SLC38A2: variants seen among roughly 807,000 people sequenced by gnomAD.
SLC38A2 encodes the protein solute carrier family 38 member 2.
Under a neutral mutation model 61.5 loss-of-function variants are expected in SLC38A2, and 11 were observed. The ratio of observed to expected loss-of-function variants is 0.18; its 90% CI spans 0.11 to 0.30. The LOEUF (loss-of-function observed/expected upper bound fraction) is 0.30, where lower values mean the gene tolerates loss of function less well. Ranked by LOEUF, SLC38A2 falls within the 10% of genes least tolerant of loss-of-function variation. SLC38A2 has a pLI of 1.00. For synonymous variants in SLC38A2, 217 were observed against 212.5 expected (o/e 1.02, Z -0.18); for missense variants, 522 against 600.4 (o/e 0.87, Z 1.36).
chr12:46,371,149 T>G lies in SLC38A2; in HGVS notation c.116+29A>C, dbSNP rs1230063633. The G allele has an allele frequency of 1.9e-6, 3 of 1,605,696 alleles. No individual in the cohort carries two copies. The African/African-American group carries it at 4.0e-5, about 21-fold the overall frequency. On this transcript the variant is annotated intron_variant, in intron 2 of 15. Transcript: ENST00000256689. ...CCTGAACCCAACCCATGCAAGCCGT[T>G]TTTTCAAAAGTGTCACAACTTCTCC...
At position 46,372,621 on chromosome 12, in the gene SLC38A2, T is replaced by C. The variant is rs1310419280; in HGVS notation, c.-199A>G. Reference sequence around the variant, plus strand: ...CAAATCCAACAACAGGCAGGAAAAATAATTTTAATAAAAAAGGAAAAGACA... The same window carrying C: ...CAAATCCAACAACAGGCAGGAAAAACAATTTTAATAAAAAAGGAAAAGACA... On this transcript the variant is annotated 5_prime_UTR_variant, in exon 1 of 16. Coordinates refer to ENST00000256689, the MANE Select transcript of SLC38A2 (RefSeq NM_018976.5). The C allele has an allele frequency of 5.0e-6, 2 of 398,112 alleles. No individual in the cohort carries two copies. The highest frequency in any genetic ancestry group is 8.9e-6 in the Non-Finnish European group (2 of 225,894). The allele number at this position is 398,112 out of a possible 1,614,324, so 24.7% of individuals were successfully genotyped here. A position where few individuals can be genotyped will look rare whatever the true frequency, so the allele number is the denominator to read the frequency against.
rs1436412765 is a variant in SLC38A2, at chr12:46,363,978, A to C, written c.899T>G (p.Ile300Ser). The C allele has an allele frequency of 6.2e-7, 1 of 1,612,030 alleles. No individual in the cohort carries two copies. The highest frequency in any genetic ancestry group is 8.5e-7 in the Non-Finnish European group (1 of 1,178,956). The change falls in exon 11 of 16, where the codon ATC (isoleucine) becomes AGC (serine). Residue 300 changes from isoleucine (I) to serine (S), a missense_variant. Ile to Ser is a moderately radical substitution (Grantham distance 142). This residue lies in a region of SLC38A2 where 309 missense variants were observed against 343.9 expected (regional missense o/e 0.90). Coordinates refer to ENST00000256689, the MANE Select transcript of SLC38A2 (RefSeq NM_018976.5). ...SQTVYAVPIL[I>S]FSFVCHPAVL... is the part of the protein sequence containing the mutation. ...AGCAGGATGACAGACAAATGAAAAG[A>C]TCAGAATTGGCACAGCATAGACAGT...
chr12:46,369,844 T>C (rs1943176286), intron 4 of SLC38A2, among the ~76,000 whole-genome samples: 1 of 152,166 alleles, frequency 6.6e-6, no homozygotes, highest in African/African-American at 2.4e-5. Flanking sequence ...AGCACAGAAG[T>C]AATTAAGTCT....
chr12:46,368,334 G>C (rs557713684), intron 4 of SLC38A2, among the ~76,000 whole-genome samples: 2 of 152,230 alleles, frequency 1.3e-5, no homozygotes, highest in South Asian at 4.1e-4. Context: ...CTATCAGCTT[G>C]ACTGTCTCTA....
At chr12:46,367,754 A>T (rs551130175) in intron 4 of SLC38A2, among the ~76,000 whole-genome samples, 1 of 152,320 alleles carries the variant, frequency 6.6e-6, no homozygotes, top group African/African-American at 2.4e-5. Context: ...ATCCGCCACT[A>T]AACCCAGCCC....
intron 12 of SLC38A2, 47 bp from the exon 13 acceptor site, chr12:46,363,192 C>T (rs1943102320): frequency 6.3e-7 from 1 of 1,594,016 alleles, no homozygotes; most frequent in Non-Finnish European, 8.6e-7. Context: ...TTTCATTGGA[C>T]ACCAAGTAGA....
chr12:46,371,454 A>T, intron 1 of SLC38A2, 75 bp from the exon 2 acceptor site: 1 of 611,402 alleles, frequency 1.6e-6, no homozygotes, highest in Non-Finnish European at 2.9e-6. Flanking sequence ...CCGGAGGCGC[A>T]GCGCGGCTGA....
chr12:46,361,005 A>G lies in SLC38A2; in HGVS notation c.*106T>C. On this transcript the variant is annotated 3_prime_UTR_variant, in exon 16 of 16. Transcript: ENST00000256689. ...TCAGAAGAACCAGCGAGGAATCTGC[A>G]CTTCAAAAGGAAGTGAAACTGAAAA... is the stretch of plus-strand genomic sequence containing the variant. The G allele has an allele frequency of 1.2e-6, 1 of 816,662 alleles. No homozygotes were observed. The highest frequency in any genetic ancestry group is 2.0e-6 in the Non-Finnish European group (1 of 508,716). The allele number at this position is 816,662 out of a possible 1,614,324, so 50.6% of individuals were successfully genotyped here.
Position 46,370,497 on chromosome 12 carries a change from C to G in SLC38A2, c.314+15G>C, listed in dbSNP as rs1465022818. 2 of 1,582,072 alleles carry G rather than the reference C, an allele frequency of 1.3e-6. No homozygotes were observed. Among genetic ancestry groups the G allele is most frequent in the Non-Finnish European group, 1.7e-6 (2 of 1,151,032 alleles). On this transcript the variant is annotated intron_variant, in intron 4 of 15. Transcript: ENST00000256689. ...ACTGCCCTGCATGGCAGACTCACTA[C>G]TTACACATACTTACATAAAAAGAGC...
chr12:46,360,435 AATTC>A lies in SLC38A2; in HGVS notation c.*672_*675del, dbSNP rs1309328231. ...TTTAAATGGAAAAAACTATGCTCCT[AATTC>A]ATGGTACAATTTTTCATTACATCAT... On this transcript the variant is annotated 3_prime_UTR_variant, in exon 16 of 16. Coordinates refer to ENST00000256689, the MANE Select transcript of SLC38A2 (RefSeq NM_018976.5). The A allele has an allele frequency of 1.3e-5, 2 of 152,154 alleles. No homozygotes were observed. The highest frequency in any genetic ancestry group is 2.9e-5 in the Non-Finnish European group (2 of 68,014). The allele number at this position is 152,154 out of a possible 1,614,324, so 9.4% of individuals were successfully genotyped here.
chr12:46,363,744 C>T lies in SLC38A2; in HGVS notation c.1036G>A (p.Gly346Arg). 1 of 1,573,042 alleles carries T rather than the reference C, an allele frequency of 6.4e-7. No individual in the cohort carries two copies. The highest frequency in any genetic ancestry group is 8.6e-7 in the Non-Finnish European group (1 of 1,166,566). ...FLMYLLAALF[G>R]YLTFYEHVES... The stretch of plus-strand genomic sequence containing the variant: ...TACTTACCGTAAAATGTTAGGTATC[C>T]AAAGAGGGCGGCAAGCAGATACATG... The change falls in exon 12 of 16, where the codon GGA becomes AGA. Residue 346 changes from glycine to arginine, a missense_variant. Coordinates refer to ENST00000256689, the MANE Select transcript of SLC38A2 (RefSeq NM_018976.5).
At chr12:46,365,373 T>C in intron 7 of SLC38A2, 184 bp from the exon 8 acceptor site, 1 of 622,846 alleles carries the variant, frequency 1.6e-6, no homozygotes, top group Non-Finnish European at 2.8e-6. Flanking sequence ...TAGATGAACA[T>C]TTACTCAGGT....
chr12:46,367,479 C>G (rs1565829223), intron 4 of SLC38A2, 139 bp from the exon 5 acceptor site: 1 of 639,684 alleles, frequency 1.6e-6, no homozygotes, highest in Non-Finnish European at 2.8e-6. Context: ...CTGGCATTTC[C>G]TCTCCTACTA....
intron 4 of SLC38A2, among the ~76,000 whole-genome samples, chr12:46,370,208 G>A (rs546766296): frequency 1.3e-5 from 2 of 152,266 alleles, no homozygotes; most frequent in African/African-American, 2.4e-5. Flanking sequence ...CCTGGCTTTA[G>A]CCATAGTTTT....
Position 46,361,051 on chromosome 12 carries a change from T to C in SLC38A2, c.*60A>G, listed in dbSNP as rs926383179. 3 of 1,252,890 alleles carry C rather than the reference T, an allele frequency of 2.4e-6. No homozygotes were observed. The African/African-American group carries it at 4.5e-5, about 19-fold the overall frequency. 77.6% of individuals were successfully genotyped at this position (1,252,890 alleles called of 1,614,324 possible). A position where few individuals can be genotyped will look rare whatever the true frequency, so the allele number is the denominator to read the frequency against. On this transcript the variant is annotated 3_prime_UTR_variant, in exon 16 of 16. Coordinates refer to ENST00000256689, the MANE Select transcript of SLC38A2 (RefSeq NM_018976.5). ...GAAAACATTAGGTGAAATTTCATAG[T>C]AGTTGAGTTTACTCAACACTGGCAT...
Position 46,362,624 on chromosome 12 carries a change from T to C in SLC38A2, c.1194A>G (p.Val398=). 6.4e-7 allele frequency: 1 copy of C among 1,571,592 alleles called. No homozygotes were observed. Among genetic ancestry groups the C allele is most frequent in the Middle Eastern group, 1.7e-4 (1 of 5,978 alleles). Residue 398 remains valine (V), a synonymous_variant, in exon 14 of 16, where the codon GTA becomes GTG. Transcript: ENST00000256689. ...CTTTTGATGCACACAACAAGTGAGTTACAGAACTCCGGATCTGCAAAAAAA... is the reference window on the plus strand; with the variant it reads ...CTTTTGATGCACACAACAAGTGAGTCACAGAACTCCGGATCTGCAAAAAAA... ...PVVIFPIRSS[V]THLLCASKDF... is the part of the protein sequence containing the mutation.
chr12:46,364,453 G>C lies in SLC38A2; in HGVS notation c.809C>G (p.Ala270Gly). 6.2e-7 allele frequency: 1 copy of C among 1,610,948 alleles called. No individual in the cohort carries two copies. The highest frequency in any genetic ancestry group is 8.5e-7 in the Non-Finnish European group (1 of 1,178,904). The change falls in exon 10 of 16, where the codon GCT (alanine) becomes GGT (glycine). Residue 270 changes from alanine (A) to glycine (G), a missense_variant. Around this residue, in one of 3 missense-constraint regions of SLC38A2, gnomAD observed 309 missense variants for 343.9 expected, o/e 0.90. Coordinates refer to ENST00000256689, the MANE Select transcript of SLC38A2 (RefSeq NM_018976.5). Reference sequence around the variant, plus strand: ...ATTTTCAGTCACGTTATGTGACAAAGCAGGTACAAGAGCTGTTGGCTGTGT... The same window carrying C: ...ATTTTCAGTCACGTTATGTGACAAACCAGGTACAAGAGCTGTTGGCTGTGT... ...TLTQPTALVP[A>G]LSHNVTENDS...
In SLC38A2 at chr12:46,363,767, A is replaced by G. The variant is rs1235688324; in HGVS notation, c.1013T>C (p.Met338Thr). 6.3e-7 allele frequency: 1 copy of G among 1,599,178 alleles called. No homozygotes were observed. The highest frequency in any genetic ancestry group is 2.2e-5 in the East Asian group (1 of 44,626). ...TCCAAAGAGGGCGGCAAGCAGATAC[A>G]TGAGAAACATAGCAAAAAATGAAAT... ...SKISFFAMFL[M>T]YLLAALFGYL... is the part of the protein sequence containing the mutation. The change falls in exon 12 of 16, where the codon ATG becomes ACG. Residue 338 changes from methionine (M) to threonine (T), a missense_variant. Coordinates refer to ENST00000256689, the MANE Select transcript of SLC38A2 (RefSeq NM_018976.5).
Position 46,362,085 on chromosome 12 carries a change from T to C in SLC38A2, c.1422+199A>G, listed in dbSNP as rs1592202210. On this transcript the variant is annotated intron_variant, in intron 15 of 15. Transcript: ENST00000256689. ...ATCTAATAACTTTATTGCAATTAAT[T>C]TAAGTGTTCATTAGATGGCAAACTA... is the stretch of plus-strand genomic sequence containing the variant. The C allele has an allele frequency of 8.0e-6, 4 of 501,934 alleles. No homozygotes were observed. In the East Asian group the frequency reaches 1.3e-4, roughly 16 times the overall value. 31.1% of individuals were successfully genotyped at this position (501,934 alleles called of 1,614,324 possible).
Sources: allele counts gnomAD v4.1 joint callset (sites outside exome capture counted in the v4.1 genomes callset), GRCh38; gene constraint gnomAD v4.1.1; regional missense constraint gnomAD v4.1.1; transcripts MANE v1.5; gene names NCBI Gene and HGNC (gene_info 2026-07-23, HGNC 2026-07-21).